BCL7B: variants seen among roughly 807,000 people sequenced by gnomAD.
BCL7B encodes the protein B-cell CLL/lymphoma 7 protein family member B.
A neutral mutation model predicts 26.5 loss-of-function variants in BCL7B; 11 were observed. The observed-to-expected ratio is 0.42, with a 90% CI of 0.26 to 0.69. The LOEUF (loss-of-function observed/expected upper bound fraction) is 0.69. Among genes scored for constraint, BCL7B ranks in the 30% least tolerant of loss-of-function variants. BCL7B has a pLI of 0.28. For synonymous variants in BCL7B, 111 were observed against 107.9 expected (o/e 1.03, Z -0.18); for missense variants, 215 against 264.4 (o/e 0.81, Z 1.30).
intron 4 of BCL7B, among the ~76,000 whole-genome samples, chr7:73,538,817 A>T (rs1186665813): frequency 2.2e-5 from 3 of 133,970 alleles, no homozygotes; most frequent in African/African-American, 9.9e-5. Context: ...TATCTCTTTA[A>T]AAAAAAAAAA....
intron 3 of BCL7B, among the ~76,000 whole-genome samples, chr7:73,540,800 A>C (rs1379375936): frequency 8.1e-6 from 1 of 123,582 alleles, no homozygotes; most frequent in Non-Finnish European, 1.6e-5. Context: ...ATTGCACTCC[A>C]GCCTGAGCAA....
Position 73,537,172 on chromosome 7 carries a change from G to T in BCL7B, c.*126C>A. ...CCCCAAGTCCTACGCCAGCCTTCCAGCCCGGAAGGCTCATGTGTGCAGGCT... is the reference window on the plus strand; with the variant it reads ...CCCCAAGTCCTACGCCAGCCTTCCATCCCGGAAGGCTCATGTGTGCAGGCT... On this transcript the variant is annotated 3_prime_UTR_variant, in exon 6 of 6. Coordinates refer to ENST00000223368, the MANE Select transcript of BCL7B (RefSeq NM_001707.4). 1 of 831,800 alleles carries T rather than the reference G, an allele frequency of 1.2e-6. No homozygotes were observed. 51.5% of individuals were successfully genotyped at this position (831,800 alleles called of 1,614,324 possible). A position where few individuals can be genotyped will look rare whatever the true frequency, so the allele number is the denominator to read the frequency against.
chr7:73,552,516 CG>C (rs1340469806), intron 1 of BCL7B, among the ~76,000 whole-genome samples: 3 of 151,926 alleles, frequency 2.0e-5, no homozygotes, highest in Non-Finnish European at 4.4e-5. Flanking sequence ...CAGCGGCTCA[CG>C]CCTGTAAACC....
intron 1 of BCL7B, among the ~76,000 whole-genome samples, chr7:73,555,277 T>C (rs1792318513): frequency 6.6e-6 from 1 of 151,746 alleles, no homozygotes; most frequent in South Asian, 2.1e-4. Flanking sequence ...TGTGGTGGTG[T>C]ACACTTATAA....
chr7:73,556,938 A>G lies in BCL7B; in HGVS notation c.92+549T>C, dbSNP rs992927520. ...GGGGCAGCAAGAGAAAATGCCTACC[A>G]AGCTCGCGGCGCAGGGGCCGGTTAC... On this transcript the variant is annotated intron_variant, in intron 1 of 5. Coordinates refer to ENST00000223368, the MANE Select transcript of BCL7B (RefSeq NM_001707.4). 11 of 989,608 alleles carry G rather than the reference A, an allele frequency of 1.1e-5. No individual in the cohort carries two copies. In the South Asian group the frequency reaches 5.2e-4, roughly 46 times the overall value. 61.3% of individuals were successfully genotyped at this position (989,608 alleles called of 1,614,324 possible).
chr7:73,543,501 TC>T (rs1554583154), intron 3 of BCL7B, 46 bp downstream of exon 3: 29 of 1,558,332 alleles, frequency 1.9e-5, no homozygotes, highest in Non-Finnish European at 2.5e-5. Flanking sequence ...AATGCATTCA[TC>T]CAAGTTTTCA....
intron 4 of BCL7B, among the ~76,000 whole-genome samples, chr7:73,538,796 G>C (rs181017428): frequency 4.2e-4 from 51 of 120,820 alleles, no homozygotes; most frequent in African/African-American, 1.6e-3. Flanking sequence ...CTGGGCAACA[G>C]AGCAAGACCC....
intron 5 of BCL7B, 106 bp from the exon 6 acceptor site, chr7:73,537,496 G>A (rs1554582282): frequency 2.8e-5 from 23 of 807,822 alleles, no homozygotes; most frequent in Non-Finnish European, 8.2e-6. Flanking sequence ...TCCAGCAGAT[G>A]ATCAAACATC....
chr7:73,557,433 C>T (rs1400859341), intron 1 of BCL7B, 54 bp downstream of exon 1: 6 of 1,268,232 alleles, frequency 4.7e-6, no homozygotes, highest in Non-Finnish European at 6.1e-6. Context: ...GTCCCACGCT[C>T]CTCAGGGCCT....
At chr7:73,543,691 T>C (rs1791855156) in intron 2 of BCL7B, 47 bp from the exon 3 acceptor site, 1 of 1,490,190 alleles carries the variant, frequency 6.7e-7, no homozygotes, top group Admixed American at 1.7e-5. Flanking sequence ...AGCAGGAGAC[T>C]CACAGAGAGG....
chr7:73,540,168 A>G, intron 3 of BCL7B, 116 bp from the exon 4 acceptor site: 1 of 1,100,096 alleles, frequency 9.1e-7, no homozygotes, highest in South Asian at 1.5e-5. Context: ...ACAACTGAGT[A>G]TAATAATCAT....
chr7:73,544,058 CACAG>C lies in BCL7B; in HGVS notation c.169-418_169-415del, dbSNP rs146807319. On this transcript the variant is annotated intron_variant, in intron 2 of 5. Coordinates refer to ENST00000223368, the MANE Select transcript of BCL7B (RefSeq NM_001707.4). ...TGAGAGAAGAAGGAACCTCATGTAA[CACAG>C]ACAGTGACAGGACAAATGGGCCCAG... is the stretch of plus-strand genomic sequence containing the variant. Among the ~76,000 whole-genome samples the C allele has an allele frequency of 8.3e-3, 1,264 of 152,252 alleles. 10 individuals are homozygous for C. Among genetic ancestry groups the C allele is most frequent in the Middle Eastern group, 0.058 (17 of 294 alleles).
intron 3 of BCL7B, 182 bp from the exon 4 acceptor site, chr7:73,540,234 T>C: frequency 1.6e-6 from 1 of 630,908 alleles, no homozygotes; most frequent in Admixed American, 2.9e-5. Flanking sequence ...AGAATCTTTA[T>C]GTTTATGCAA....
chr7:73,551,546 C>T (rs781951567), intron 2 of BCL7B, among the ~76,000 whole-genome samples: 8 of 151,944 alleles, frequency 5.3e-5, no homozygotes, highest in Non-Finnish European at 8.8e-5. Flanking sequence ...TCAAGTGATC[C>T]GCCCACCTTG....
chr7:73,552,230 C>T lies in BCL7B; in HGVS notation c.105G>A (p.Trp35Ter), dbSNP rs1554584244. The change falls in exon 2 of 6, where the codon TGG becomes TGA. Residue 35 changes from tryptophan to a stop codon, truncating the protein, a stop_gained. Coordinates refer to ENST00000223368, the MANE Select transcript of BCL7B (RefSeq NM_001707.4). LOFTEE classifies it high-confidence loss of function. Reference sequence around the variant, plus strand: ...TCAGGGACGTGTCACCCACAGTCACCCACTTCTTCTCCCTAAAAGAAAGAC... The same window carrying T: ...TCAGGGACGTGTCACCCACAGTCACTCACTTCTTCTCCCTAAAAGAAAGAC... Reference protein sequence around the residue: ...IEKVRKWEKKWVTVGDTSLRI... With the variant: ...IEKVRKWEKK 1 of 1,609,404 alleles carries T rather than the reference C, an allele frequency of 6.2e-7. No homozygotes were observed. Among genetic ancestry groups the T allele is most frequent in the Non-Finnish European group, 8.5e-7 (1 of 1,178,752 alleles).
intron 3 of BCL7B, among the ~76,000 whole-genome samples, chr7:73,543,295 G>C (rs547075021): frequency 3.2e-4 from 48 of 151,726 alleles, no homozygotes; most frequent in Non-Finnish European, 6.6e-4. Context: ...TCCTGTCTCA[G>C]ACCCCCGAGT....
chr7:73,557,247 G>C, intron 1 of BCL7B: 1 of 1,103,764 alleles, frequency 9.1e-7, no homozygotes, highest in Non-Finnish European at 1.1e-6. Context: ...CCCCTCCCAG[G>C]CGGCGCGCGG....
rs548292898 is a variant in BCL7B, at chr7:73,554,066, C to T, written c.93-1824G>A. Among the ~76,000 whole-genome samples, 16 of 151,380 alleles carry T rather than the reference C, an allele frequency of 1.1e-4. No homozygotes were observed. In the East Asian group the frequency reaches 2.7e-3, roughly 26 times the overall value. On this transcript the variant is annotated intron_variant, in intron 1 of 5. Transcript: ENST00000223368. ...CCTTGCGGCCTCAAAATCCCAGGCTCAGGTGAATCTCCCATCTCAGCCTCC... is the reference window on the plus strand; with the variant it reads ...CCTTGCGGCCTCAAAATCCCAGGCTTAGGTGAATCTCCCATCTCAGCCTCC...
chr7:73,536,930 C>G lies in BCL7B; in HGVS notation c.*368G>C, dbSNP rs1322531490. On this transcript the variant is annotated 3_prime_UTR_variant, in exon 6 of 6. Transcript: ENST00000223368. The stretch of plus-strand genomic sequence containing the variant: ...AAGTTCAAGTAACCTGAGGCACGCT[C>G]TCTTCTAGAAGGTGCCTTCCACATC... The G allele has an allele frequency of 5.4e-6, 1 of 185,602 alleles. No individual in the cohort carries two copies. The highest frequency in any genetic ancestry group is 5.6e-5 in the Admixed American group (1 of 17,926). 11.5% of individuals were successfully genotyped at this position (185,602 alleles called of 1,614,324 possible).
Sources: gnomAD v4.1 joint callset for allele counts (sites outside exome capture counted in the v4.1 genomes callset) on GRCh38, gnomAD v4.1.1 for gene constraint, MANE v1.5 for transcripts, NCBI Gene and HGNC (gene_info 2026-07-23, HGNC 2026-07-21) for gene names.